GADL1: variants seen among roughly 807,000 people sequenced by gnomAD.
GADL1 encodes the protein acidic amino acid decarboxylase GADL1.
A neutral mutation model predicts 69.5 loss-of-function variants in GADL1; 71 were observed. That is an observed-to-expected ratio of 1.02 (90% confidence interval 0.84 to 1.25). The LOEUF is 1.25. Ranked by LOEUF, GADL1 falls within the 50% of genes most tolerant of loss-of-function variation. GADL1 has a pLI of 0.00. For synonymous variants in GADL1, 254 were observed against 214.4 expected, an observed-to-expected ratio of 1.18 and a Z score of -1.62; for missense variants, 737 against 631.8, an observed-to-expected ratio of 1.17 and a Z score of -1.79.
chr3:30,876,592 G>C (rs1698579243), intron 1 of GADL1, among the ~76,000 whole-genome samples: 1 of 151,928 alleles, frequency 6.6e-6, no homozygotes, highest in Non-Finnish European at 1.5e-5. Context: ...GGAGTAGAGT[G>C]TTTCTTCAGG....
At chr3:30,791,736 G>A (rs1417580781) in intron 12 of GADL1, among the ~76,000 whole-genome samples, 9 of 152,070 alleles carry the variant, frequency 5.9e-5, no homozygotes, top group Admixed American at 5.9e-4. Flanking sequence ...TCACTCAAAC[G>A]TCATCTTGAA....
intron 12 of GADL1, chr3:30,800,383 A>G (rs547821807): frequency 1.2e-5 from 2 of 160,482 alleles, no homozygotes; most frequent in South Asian, 3.7e-4. Context: ...TAGCCCCCAT[A>G]ATTCAAATTA....
intron 9 of GADL1, among the ~76,000 whole-genome samples, chr3:30,837,463 T>A (rs982434113): frequency 1.3e-5 from 2 of 152,146 alleles, no homozygotes; most frequent in African/African-American, 4.8e-5. Context: ...TTACATTCCC[T>A]TATAAAGATG....
At chr3:30,749,057 C>T (rs1695757266) in intron 14 of GADL1, among the ~76,000 whole-genome samples, 2 of 152,270 alleles carry the variant, frequency 1.3e-5, no homozygotes, top group African/African-American at 4.8e-5. Flanking sequence ...TCAATCTTGC[C>T]TTCATGTACC....
chr3:30,729,262 T>A (rs1695418526), intron 14 of GADL1, among the ~76,000 whole-genome samples: 1 of 152,216 alleles, frequency 6.6e-6, no homozygotes, highest in South Asian at 2.1e-4. Context: ...AGAGCTAGGT[T>A]GTAAACTTTT....
At chr3:30,880,269 C>T (rs956338323) in intron 1 of GADL1, among the ~76,000 whole-genome samples, 11 of 151,780 alleles carry the variant, frequency 7.2e-5, no homozygotes, top group African/African-American at 1.5e-4. Flanking sequence ...AGATGATTTA[C>T]GTATACAGGA....
chr3:30,835,563 G>A (rs976570013), intron 9 of GADL1, among the ~76,000 whole-genome samples: 3 of 152,026 alleles, frequency 2.0e-5, no homozygotes, highest in African/African-American at 7.2e-5. Flanking sequence ...ATTGACAGCT[G>A]AGACTAGGGT....
intron 14 of GADL1, among the ~76,000 whole-genome samples, chr3:30,737,160 T>C (rs1695551662): frequency 6.6e-6 from 1 of 152,136 alleles, no homozygotes; most frequent in East Asian, 1.9e-4. Context: ...CCTAGTGGTC[T>C]GTATATTTAC....
chr3:30,779,316 C>G (rs959611320), intron 13 of GADL1, among the ~76,000 whole-genome samples: 10 of 152,214 alleles, frequency 6.6e-5, no homozygotes, highest in African/African-American at 1.7e-4. Flanking sequence ...AACTGATTTT[C>G]ATTTTCTGCC....
At chr3:30,772,741 T>C (rs112154631) in intron 14 of GADL1, among the ~76,000 whole-genome samples, 11,724 of 151,972 alleles carry the variant, frequency 0.077, 604 homozygotes, top group South Asian at 0.19. Flanking sequence ...CAGGGCATAG[T>C]GGTGAGCAGC....
In GADL1 at chr3:30,786,495, G is replaced by T. The variant is rs1306191373; in HGVS notation, c.1251-89C>A. On this transcript the variant is annotated intron_variant, in intron 12 of 14. Coordinates refer to ENST00000282538, the MANE Select transcript of GADL1 (RefSeq NM_207359.3). Reference sequence around the variant, plus strand: ...ATATGACAAAACTGATTCAGACAGGGCTTGGAGATAAGAAAGATACAGATA... The same window carrying T: ...ATATGACAAAACTGATTCAGACAGGTCTTGGAGATAAGAAAGATACAGATA... 8.2e-6 allele frequency: 6 copies of T among 735,240 alleles called. No homozygotes were observed. The Admixed American group carries it at 1.2e-4, about 15-fold the overall frequency. 45.5% of individuals were successfully genotyped at this position (735,240 alleles called of 1,614,324 possible).
chr3:30,855,824 GTTTA>G (rs1244679120), intron 3 of GADL1, among the ~76,000 whole-genome samples: 3 of 146,606 alleles, frequency 2.0e-5, no homozygotes, highest in African/African-American at 7.6e-5. Flanking sequence ...TCTGGTTTTA[GTTTA>G]TTTTAGTTTT....
rs569312180 is a variant in GADL1, at chr3:30,881,553, G to T, written c.37+13025C>A. Among the ~76,000 whole-genome samples, 3 of 151,880 alleles carry T rather than the reference G, an allele frequency of 2.0e-5. No homozygotes were observed. The South Asian group carries it at 6.2e-4, about 32-fold the overall frequency. ...ACCTTCATGGGAGACCCTGATGAGG[G>T]AGATGGCAACAGTATAAAAAAAGAT... On this transcript the variant is annotated intron_variant, in intron 1 of 14. Transcript: ENST00000282538.
intron 13 of GADL1, among the ~76,000 whole-genome samples, chr3:30,782,001 G>A (rs1187161174): frequency 2.9e-5 from 4 of 136,686 alleles, no homozygotes; most frequent in South Asian, 3.2e-4. Context: ...AAATTAATAA[G>A]CAAAGCTTTC....
intron 1 of GADL1, among the ~76,000 whole-genome samples, chr3:30,872,776 T>A (rs1698510858): frequency 6.6e-6 from 1 of 151,910 alleles, no homozygotes; most frequent in South Asian, 2.1e-4. Flanking sequence ...CTCCCCCTTT[T>A]GGTGAGCAAG....
chr3:30,844,344 T>G (rs749218448), intron 7 of GADL1, 43 bp downstream of exon 7: 9 of 1,569,454 alleles, frequency 5.7e-6, no homozygotes, highest in Non-Finnish European at 7.9e-6. Context: ...CCATATAAAC[T>G]TTTCCCTCCA....
chr3:30,890,037 C>T (rs1236372892), intron 1 of GADL1, among the ~76,000 whole-genome samples: 6 of 152,174 alleles, frequency 3.9e-5, no homozygotes, highest in African/African-American at 1.4e-4. Flanking sequence ...GTATTCTATA[C>T]TCTACCATAA....
intron 11 of GADL1, among the ~76,000 whole-genome samples, chr3:30,818,813 C>T (rs1490919470): frequency 2.0e-5 from 3 of 152,122 alleles, no homozygotes; most frequent in Admixed American, 1.3e-4. Context: ...GTGTGTTGAG[C>T]TCCACCCTTA....
chr3:30,753,007 AATAG>A (rs1029306518), intron 14 of GADL1, among the ~76,000 whole-genome samples: 1 of 151,164 alleles, frequency 6.6e-6, no homozygotes, highest in Non-Finnish European at 1.5e-5. Context: ...AAATTTTAAA[AATAG>A]ATTCCTAAAG....
Sources: gnomAD v4.1 joint callset for allele counts (sites outside exome capture counted in the v4.1 genomes callset) on GRCh38, gnomAD v4.1.1 for gene constraint, MANE v1.5 for transcripts, NCBI Gene and HGNC (gene_info 2026-07-23, HGNC 2026-07-21) for gene names.